Variants in IQCB1 observed in about 807,000 individuals in gnomAD.
IQCB1 encodes the protein IQ motif containing B1.
A neutral mutation model predicts 84.4 loss-of-function variants in IQCB1; 56 were observed. The ratio of observed to expected loss-of-function variants is 0.66; its 90% CI spans 0.54 to 0.83. The LOEUF (loss-of-function observed/expected upper bound fraction) is 0.83, where lower values mean the gene tolerates loss of function less well. Ranked by LOEUF, IQCB1 falls within the 40% of genes least tolerant of loss-of-function variation. IQCB1 has a pLI of 0.00. For synonymous variants in IQCB1, 210 were observed against 234.8 expected (o/e 0.89, Z 0.96); for missense variants, 629 against 682.1 (o/e 0.92, Z 0.87).
chr3:121,801,761 G>C (rs1244215997), intron 7 of IQCB1, among the ~76,000 whole-genome samples: 2 of 144,828 alleles, frequency 1.4e-5, no homozygotes, highest in East Asian at 2.0e-4. Context: ...GGAAACCACC[G>C]ATCTGCTTTC....
chr3:121,815,614 T>C (rs897897359), intron 5 of IQCB1, among the ~76,000 whole-genome samples: 26 of 152,110 alleles, frequency 1.7e-4, no homozygotes, highest in Admixed American at 6.5e-4. Context: ...ACACCAATGA[T>C]AGACAAACAC....
At chr3:121,788,591 T>G (rs1313412599) in intron 11 of IQCB1, among the ~76,000 whole-genome samples, 159 bp from the exon 12 acceptor site, 2 of 152,140 alleles carry the variant, frequency 1.3e-5, no homozygotes, top group African/African-American at 4.8e-5. Context: ...GTTCTAAGAT[T>G]TTAGAAACAA....
chr3:121,830,471 T>C (rs1950601288), intron 2 of IQCB1, among the ~76,000 whole-genome samples: 1 of 152,136 alleles, frequency 6.6e-6, no homozygotes, highest in South Asian at 2.1e-4. Context: ...TTTCCTTATT[T>C]ATAGTAAAGC....
chr3:121,821,941 G>A (rs1168413587), intron 5 of IQCB1, among the ~76,000 whole-genome samples: 1 of 152,166 alleles, frequency 6.6e-6, no homozygotes, highest in Non-Finnish European at 1.5e-5. Flanking sequence ...TAATGTGGGT[G>A]GGCCTCATAC....
At chr3:121,816,461 A>G (rs1045675001) in intron 5 of IQCB1, among the ~76,000 whole-genome samples, 2 of 152,200 alleles carry the variant, frequency 1.3e-5, no homozygotes, top group African/African-American at 4.8e-5. Context: ...GGCAAAAGAA[A>G]CTATCATCAG....
At chr3:121,825,899 A>T (rs1235887059) in intron 5 of IQCB1, 152 bp downstream of exon 5, 1 of 758,712 alleles carries the variant, frequency 1.3e-6, no homozygotes. Context: ...TTTCAAACAT[A>T]GAGATGATTT....
chr3:121,779,520 G>A (rs928076228), intron 13 of IQCB1, among the ~76,000 whole-genome samples: 4 of 151,706 alleles, frequency 2.6e-5, no homozygotes, highest in Non-Finnish European at 4.4e-5. Context: ...CTTTCTACTT[G>A]ACTTTTTGAA....
At chr3:121,789,957 G>T in intron 11 of IQCB1, 116 bp downstream of exon 11, 1 of 867,254 alleles carries the variant, frequency 1.2e-6, no homozygotes. Flanking sequence ...CTGAAAAACA[G>T]AGAAAAAGGA....
At chr3:121,811,047 T>C (rs1420058176) in intron 5 of IQCB1, among the ~76,000 whole-genome samples, 2 of 152,142 alleles carry the variant, frequency 1.3e-5, no homozygotes, top group Non-Finnish European at 2.9e-5. Flanking sequence ...GCAATAGCAA[T>C]GCAGAAGGCA....
intron 10 of IQCB1, among the ~76,000 whole-genome samples, chr3:121,795,031 A>G (rs867317493): frequency 6.6e-5 from 10 of 152,248 alleles, no homozygotes; most frequent in Middle Eastern, 3.4e-3. Context: ...ATGCCGAACT[A>G]TATCATAATT....
intron 13 of IQCB1, among the ~76,000 whole-genome samples, chr3:121,774,377 C>T (rs529607899): frequency 6.6e-6 from 1 of 152,212 alleles, no homozygotes; most frequent in East Asian, 1.9e-4. Context: ...ATGGCAGTTC[C>T]TCAAAAAAAT....
At chr3:121,819,149 T>C (rs1950179877) in intron 5 of IQCB1, among the ~76,000 whole-genome samples, 2 of 152,180 alleles carry the variant, frequency 1.3e-5, no homozygotes, top group Admixed American at 6.6e-5. Context: ...TTGTAATACA[T>C]AATGAAATAA....
At chr3:121,814,232 A>G (rs1189963866) in intron 5 of IQCB1, among the ~76,000 whole-genome samples, 2 of 152,250 alleles carry the variant, frequency 1.3e-5, no homozygotes, top group Non-Finnish European at 2.9e-5. Flanking sequence ...GAACAAAGAC[A>G]CAATGTGCCA....
chr3:121,800,778 C>T lies in IQCB1; in HGVS notation c.588-1404G>A, dbSNP rs553552905. 6.7e-5 allele frequency among the ~76,000 whole-genome samples: 10 copies of T among 148,740 alleles called. No homozygotes were observed. In the South Asian group the frequency reaches 2.2e-3, roughly 32 times the overall value. On this transcript the variant is annotated intron_variant, in intron 7 of 14. Coordinates refer to ENST00000310864, the MANE Select transcript of IQCB1 (RefSeq NM_001023570.4). ...TAATCTTAAAGACATCCTCTCTATA[C>T]CACTACCATCTTATCTCTCTGCTTC...
At chr3:121,814,287 C>T (rs1385663545) in intron 5 of IQCB1, among the ~76,000 whole-genome samples, 16 of 152,132 alleles carry the variant, frequency 1.1e-4, no homozygotes, top group African/African-American at 3.6e-4. Context: ...GGGAAATTTA[C>T]AGCACTAAAT....
In IQCB1 at chr3:121,827,080, TA is replaced by T. The variant is rs556848007; in HGVS notation, c.264-901del. Among the ~76,000 whole-genome samples, 910 of 152,092 alleles carry T rather than the reference TA, an allele frequency of 6.0e-3. 5 individuals carry two copies. The highest frequency in any genetic ancestry group is 7.2e-3 in the Non-Finnish European group (486 of 67,906). ...TACACCATGGAATACTATGCAGCCA[TA>T]AAAAAGAACAAGATCATGTCCTTTG... On this transcript the variant is annotated intron_variant, in intron 4 of 14. Transcript: ENST00000310864.
rs973415899 is a variant in IQCB1 at position 121,782,967 on chromosome 3, G to A, written c.1279-1093C>T. On this transcript the variant is annotated intron_variant, in intron 12 of 14. Transcript: ENST00000310864. Reference sequence around the variant, plus strand: ...TGGGATTACAGACGTGAGCCATCGCGTCCCACCTCTACAAATAACATTTTA... The same window carrying A: ...TGGGATTACAGACGTGAGCCATCGCATCCCACCTCTACAAATAACATTTTA... 5.9e-5 allele frequency among the ~76,000 whole-genome samples: 9 copies of A among 152,116 alleles called. No individual in the cohort carries two copies. The East Asian group carries it at 7.7e-4, about 13-fold the overall frequency.
At chr3:121,779,328 C>CT (rs1948377986) in intron 13 of IQCB1, among the ~76,000 whole-genome samples, 1 of 152,040 alleles carries the variant, frequency 6.6e-6, no homozygotes. Flanking sequence ...ATATTTTTCT[C>CT]TTTTTTCCCC....
chr3:121,777,298 T>C (rs1948267986), intron 13 of IQCB1, among the ~76,000 whole-genome samples: 1 of 152,210 alleles, frequency 6.6e-6, no homozygotes, highest in African/African-American at 2.4e-5. Context: ...GCACATGTCA[T>C]TGAGTGTACC....
Sources: gnomAD v4.1 joint callset for allele counts (sites outside exome capture counted in the v4.1 genomes callset) on GRCh38, gnomAD v4.1.1 for gene constraint, MANE v1.5 for transcripts, NCBI Gene and HGNC (gene_info 2026-07-23, HGNC 2026-07-21) for gene names.